ERMP1: variants seen among roughly 807,000 people sequenced by gnomAD.
ERMP1 encodes Felix-ina.
A neutral mutation model predicts 92.0 loss-of-function variants in ERMP1; 86 were observed. That is an observed-to-expected ratio of 0.93 (90% confidence interval 0.79 to 1.12). The LOEUF (loss-of-function observed/expected upper bound fraction) is 1.12. Among genes scored for constraint, ERMP1 ranks in the 50% most tolerant of loss-of-function variants. The probability of loss-of-function intolerance (pLI) is 0.00; values close to 1 mark genes in which losing one functional copy is unlikely to be tolerated. For missense variants in ERMP1, 1,342 were observed against 1,116.3 expected (o/e 1.20, Z -2.88); for synonymous variants, 530 against 412.8 (o/e 1.28, Z -3.44).
rs767633711 is a variant in ERMP1, at chr9:5,805,710, G to C, written c.1624C>G (p.Leu542Val). ...GCCGAGCAAAGTCCTTGGTAAGTGA[G>C]GGTAACAAGAAAACAGCAATGGACA... The part of the protein sequence containing the change: ...LFVHCCFLVT[L>V]TYQGLCSAFI... The change falls in exon 9 of 15, where the codon CTC (leucine) becomes GTC (valine). Residue 542 changes from leucine to valine, a missense_variant. By Grantham distance (32) the Leu-to-Val change is conservative (BLOSUM62 1). Coordinates refer to ENST00000339450, the MANE Select transcript of ERMP1 (RefSeq NM_024896.3). 6.2e-7 allele frequency: 1 copy of C among 1,613,502 alleles called. No individual in the cohort carries two copies. The highest frequency in any genetic ancestry group is 1.7e-5 in the Admixed American group (1 of 59,906).
chr9:5,827,196 A>T lies in ERMP1; in HGVS notation c.641-1977T>A, dbSNP rs569607622. Among the ~76,000 whole-genome samples, 9 of 152,312 alleles carry T rather than the reference A, an allele frequency of 5.9e-5. No homozygotes were observed. In the South Asian group the frequency reaches 1.9e-3, roughly 32 times the overall value. On this transcript the variant is annotated intron_variant, in intron 2 of 14. Transcript: ENST00000339450. ...ACAGATGAGAACTTAAAAAGAAAAAAAGAAAAAAGAAGTGCTTCAATTAGG... is the reference window on the plus strand; with the variant it reads ...ACAGATGAGAACTTAAAAAGAAAAATAGAAAAAAGAAGTGCTTCAATTAGG...
rs1319545456 is a variant in ERMP1, at chr9:5,832,736, G to C, written c.292C>G (p.Arg98Gly). The change falls in exon 1 of 15, where the codon CGC (arginine) becomes GGC (glycine). Residue 98 changes from arginine (R) to glycine (G), a missense_variant. Arg to Gly is a moderately radical substitution (Grantham distance 125, BLOSUM62 -2). Transcript: ENST00000339450. Reference sequence around the variant, plus strand: ...TCCCCGCGGTGTCCAGCGGCCCCGCGTAGCACGAGCTGCTGCAGCGAGAGC... The same window carrying C: ...TCCCCGCGGTGTCCAGCGGCCCCGCCTAGCACGAGCTGCTGCAGCGAGAGC... ...VQLSLQQLVL[R>G]GAAGHRGEFD... 2 of 1,496,540 alleles carry C rather than the reference G, an allele frequency of 1.3e-6. No individual in the cohort carries two copies. Among genetic ancestry groups the C allele is most frequent in the East Asian group, 2.9e-5 (1 of 34,950 alleles). The allele number at this position is 1,496,540 out of a possible 1,614,324, so 92.7% of individuals were successfully genotyped here.
intron 1 of ERMP1, among the ~76,000 whole-genome samples, chr9:5,831,901 G>A (rs1165915204): frequency 6.6e-6 from 1 of 152,168 alleles, no homozygotes; most frequent in African/African-American, 2.4e-5. Context: ...AAAGCTGGAA[G>A]TGGGGGTGGG....
At chr9:5,802,143 G>A (rs1018280010) in intron 10 of ERMP1, among the ~76,000 whole-genome samples, 2 of 152,172 alleles carry the variant, frequency 1.3e-5, no homozygotes, top group Admixed American at 6.5e-5. Context: ...GATGGACAGC[G>A]AGGGTGACAC....
intron 6 of ERMP1, among the ~76,000 whole-genome samples, chr9:5,842,979 C>A (rs115500667): frequency 3.9e-5 from 6 of 152,200 alleles, no homozygotes; most frequent in Non-Finnish European, 7.4e-5. Flanking sequence ...CTTTAAGAAG[C>A]TCCACAAAGT....
intron 6 of ERMP1, among the ~76,000 whole-genome samples, chr9:5,847,251 A>G (rs3929920): frequency 6.6e-6 from 1 of 151,906 alleles, no homozygotes; most frequent in South Asian, 2.1e-4. Flanking sequence ...ACTGATTGTG[A>G]TGCTCGATGT....
chr9:5,820,707 G>A (rs1829500749), intron 4 of ERMP1, among the ~76,000 whole-genome samples: 1 of 152,186 alleles, frequency 6.6e-6, no homozygotes, highest in Non-Finnish European at 1.5e-5. Context: ...TTCCAGGGCA[G>A]GACAAATATT....
intron 13 of ERMP1, among the ~76,000 whole-genome samples, chr9:5,791,667 T>C (rs549222146): frequency 2.0e-5 from 3 of 152,316 alleles, no homozygotes; most frequent in African/African-American, 4.8e-5. Flanking sequence ...GAAAATGTCA[T>C]ATGTCTTGAC....
intron 6 of ERMP1, 59 bp downstream of exon 6, chr9:5,812,066 T>C (rs1207092273): frequency 3.8e-6 from 4 of 1,047,536 alleles, no homozygotes; most frequent in Admixed American, 2.0e-5. Context: ...TACAAGTTTA[T>C]GTATCATCCC....
intron 13 of ERMP1, among the ~76,000 whole-genome samples, chr9:5,796,368 G>C (rs142657524): frequency 7.2e-4 from 110 of 152,276 alleles, no homozygotes; most frequent in African/African-American, 2.5e-3. Context: ...TCAATGGAAA[G>C]AACAGTTTGG....
chr9:5,827,420 G>T (rs1586820441), intron 2 of ERMP1, among the ~76,000 whole-genome samples: 4 of 152,240 alleles, frequency 2.6e-5, no homozygotes, highest in Middle Eastern at 3.4e-3. Flanking sequence ...AATTTGTATT[G>T]GGCCACATTC....
At chr9:5,865,571 G>T (rs183699642) in intron 5 of ERMP1, among the ~76,000 whole-genome samples, 22 of 150,530 alleles carry the variant, frequency 1.5e-4, no homozygotes, top group African/African-American at 4.9e-4. Flanking sequence ...AGTGGCTCAC[G>T]CCTGTAATCC....
intron 5 of ERMP1, among the ~76,000 whole-genome samples, chr9:5,866,848 G>A (rs1212026196): frequency 6.6e-6 from 1 of 152,140 alleles, no homozygotes; most frequent in Non-Finnish European, 1.5e-5. Context: ...GAGCCCTCAG[G>A]CAAGTTACAC....
intron 13 of ERMP1, among the ~76,000 whole-genome samples, chr9:5,796,851 G>A (rs1204903542): frequency 6.6e-6 from 1 of 152,106 alleles, no homozygotes; most frequent in African/African-American, 2.4e-5. Context: ...ACAACACGAA[G>A]AATGAACCCG....
chr9:5,795,289 A>T (rs1157587779), intron 13 of ERMP1, among the ~76,000 whole-genome samples: 1 of 152,238 alleles, frequency 6.6e-6, no homozygotes, highest in Non-Finnish European at 1.5e-5. Context: ...AGCTAACAAC[A>T]TACTCAGTGG....
At chr9:5,852,720 AT>A (rs571000131) in intron 6 of ERMP1, among the ~76,000 whole-genome samples, 3 of 151,932 alleles carry the variant, frequency 2.0e-5, no homozygotes, top group East Asian at 1.9e-4. Context: ...ATAGCTATCT[AT>A]TTTTTTAACC....
intron 2 of ERMP1, among the ~76,000 whole-genome samples, chr9:5,827,124 T>C (rs1829757269): frequency 6.6e-6 from 1 of 152,156 alleles, no homozygotes; most frequent in Non-Finnish European, 1.5e-5. Context: ...GGCTTTTCTG[T>C]GGATAACATT....
In ERMP1 at chr9:5,801,431, T is replaced by C. The variant is rs1158154457; in HGVS notation, c.1915-103A>G. ...TTTAACAGTATTACCTAACAGCCCC[T>C]GAAGAAAATTTATCAGCAGGTGCTA... On this transcript the variant is annotated intron_variant, in intron 10 of 14. Coordinates refer to ENST00000339450, the MANE Select transcript of ERMP1 (RefSeq NM_024896.3). The C allele has an allele frequency of 5.3e-6, 6 of 1,123,764 alleles. No individual in the cohort carries two copies. In the East Asian group the frequency reaches 7.7e-5, roughly 14 times the overall value. The allele number at this position is 1,123,764 out of a possible 1,614,324, so 69.6% of individuals were successfully genotyped here.
At chr9:5,800,665 G>T (rs1828634746) in intron 11 of ERMP1, among the ~76,000 whole-genome samples, 1 of 152,058 alleles carries the variant, frequency 6.6e-6, no homozygotes, top group Non-Finnish European at 1.5e-5. Context: ...AACAGACCAA[G>T]ACTCCATTTT....
Sources: allele counts gnomAD v4.1 joint callset (sites outside exome capture counted in the v4.1 genomes callset), GRCh38; gene constraint gnomAD v4.1.1; transcripts MANE v1.5; gene names NCBI Gene and HGNC (gene_info 2026-07-23, HGNC 2026-07-21).